COL24A1: variants seen among roughly 807,000 people sequenced by gnomAD.
COL24A1 encodes the protein collagen alpha-1(XXIV) chain.
In COL24A1, 224 loss-of-function variants were observed where a neutral mutation model predicts 253.9. The ratio of observed to expected loss-of-function variants is 0.88; its 90% CI spans 0.79 to 0.99. The LOEUF (loss-of-function observed/expected upper bound fraction) is 0.99, where lower values mean the gene tolerates loss of function less well. COL24A1 is among the 50% of genes least tolerant of loss of function. The probability of loss-of-function intolerance (pLI) is 0.00; values close to 1 mark genes in which losing one functional copy is unlikely to be tolerated. For synonymous variants in COL24A1, 685 were observed against 673.7 expected, an observed-to-expected ratio of 1.02 and a Z score of -0.26; for missense variants, 2,131 against 2,068.5, an observed-to-expected ratio of 1.03 and a Z score of -0.59.
At chr1:85,905,727 T>C (rs1684756753) in intron 28 of COL24A1, among the ~76,000 whole-genome samples, 1 of 152,080 alleles carries the variant, frequency 6.6e-6, no homozygotes, top group African/African-American at 2.4e-5. Context: ...AATAGGATCA[T>C]GGTGAAGTTA....
At chr1:85,918,615 C>T (rs1175378025) in intron 24 of COL24A1, among the ~76,000 whole-genome samples, 1 of 152,110 alleles carries the variant, frequency 6.6e-6, no homozygotes, top group Non-Finnish European at 1.5e-5. Flanking sequence ...GTCTATATTA[C>T]TCTTTGAAAC....
Position 86,126,195 on chromosome 1 carries a change from T to C in COL24A1, c.141A>G (p.Gln47=), listed in dbSNP as rs1207726476. Residue 47 remains glutamine, a synonymous_variant, in exon 3 of 60, where the codon CAA becomes CAG. Coordinates refer to ENST00000370571, the MANE Select transcript of COL24A1 (RefSeq NM_152890.7). Reference sequence around the variant, plus strand: ...TTACGTCTTTGCCTCCAAGGCCTAGTTGATGAAGAATATCTATGCCTGGAA... The same window carrying C: ...TTACGTCTTTGCCTCCAAGGCCTAGCTGATGAAGAATATCTATGCCTGGAA... ...AQEQGIDILH[Q]LGLGGKDVRH... 3 of 1,597,094 alleles carry C rather than the reference T, an allele frequency of 1.9e-6. No individual in the cohort carries two copies. The highest frequency in any genetic ancestry group is 2.7e-5 in the African/African-American group (2 of 74,570).
intron 24 of COL24A1, among the ~76,000 whole-genome samples, chr1:85,949,239 AAT>A (rs2100561771): frequency 6.6e-6 from 1 of 152,324 alleles, no homozygotes; most frequent in African/African-American, 2.4e-5. Context: ...CAGTATGAGG[AAT>A]ATAAATAGGA....
intron 57 of COL24A1, 127 bp from the exon 58 acceptor site, chr1:85,737,632 T>C: frequency 1.7e-6 from 1 of 585,856 alleles, no homozygotes; most frequent in Non-Finnish European, 2.9e-6. Context: ...GGTGCGATCT[T>C]GGCTCACTGT....
chr1:86,142,685 C>T (rs1053007152), intron 2 of COL24A1, among the ~76,000 whole-genome samples: 1 of 151,398 alleles, frequency 6.6e-6, no homozygotes, highest in African/African-American at 2.4e-5. Flanking sequence ...AAATAAAGAG[C>T]CCAATACTGA....
intron 32 of COL24A1, among the ~76,000 whole-genome samples, chr1:85,887,514 G>A (rs1444328309): frequency 2.0e-5 from 3 of 151,724 alleles, no homozygotes; most frequent in African/African-American, 7.3e-5. Flanking sequence ...AAGTATTTTA[G>A]GCTTGTGGGT....
intron 24 of COL24A1, among the ~76,000 whole-genome samples, chr1:85,927,312 G>C (rs558606064): frequency 2.0e-4 from 31 of 152,282 alleles, no homozygotes; most frequent in Admixed American, 3.9e-4. Flanking sequence ...GTCAAAGAAA[G>C]GGGTGACGGA....
At chr1:85,969,368 G>A (rs1034524407) in intron 22 of COL24A1, among the ~76,000 whole-genome samples, 2 of 151,976 alleles carry the variant, frequency 1.3e-5, no homozygotes, top group African/African-American at 2.4e-5. Flanking sequence ...ACTTTGGGAG[G>A]CCGAGGTGGG....
At chr1:85,866,465 A>C (rs1210302881) in intron 37 of COL24A1, among the ~76,000 whole-genome samples, 2 of 151,856 alleles carry the variant, frequency 1.3e-5, no homozygotes, top group African/African-American at 4.8e-5. Flanking sequence ...TAATGTTTGG[A>C]CTAATGATGT....
chr1:85,906,262 G>GTTTTTTTTTTTTTTTTTTTTT (rs1438385660), intron 28 of COL24A1, among the ~76,000 whole-genome samples: 3 of 14,046 alleles, frequency 2.1e-4, no homozygotes, highest in Admixed American at 6.4e-4. Context: ...AAACTGCAAG[G>GTTTTTTTTTTTTTTTTTTTTT]TCTTTTTTTT....
chr1:85,923,500 C>G (rs908461298), intron 24 of COL24A1, among the ~76,000 whole-genome samples: 2 of 152,194 alleles, frequency 1.3e-5, no homozygotes, highest in Non-Finnish European at 2.9e-5. Context: ...CAAATTAGAA[C>G]TCAGGATTAA....
chr1:85,771,304 A>T (rs746039018), intron 53 of COL24A1, among the ~76,000 whole-genome samples: 1 of 151,622 alleles, frequency 6.6e-6, no homozygotes, highest in African/African-American at 2.4e-5. Context: ...CCCTGTGTCC[A>T]TGTGTTCTCA....
intron 7 of COL24A1, among the ~76,000 whole-genome samples, chr1:86,087,566 A>G (rs1431345081): frequency 1.3e-5 from 2 of 152,212 alleles, no homozygotes; most frequent in Non-Finnish European, 2.9e-5. Flanking sequence ...TGAACCACAG[A>G]TATCATTTAA....
intron 45 of COL24A1, among the ~76,000 whole-genome samples, chr1:85,819,848 CTTTTTT>C (rs550894402): frequency 7.4e-6 from 1 of 135,882 alleles, no homozygotes; most frequent in Non-Finnish European, 1.6e-5. Flanking sequence ...TTCTCTTTTC[CTTTTTT>C]TTTTTTTTTT....
At chr1:85,866,563 C>G (rs1237184064) in intron 37 of COL24A1, among the ~76,000 whole-genome samples, 1 of 152,006 alleles carries the variant, frequency 6.6e-6, no homozygotes, top group African/African-American at 2.4e-5. Context: ...CACTTGAGGT[C>G]AGGAGTTTGA....
At chr1:85,957,321 G>A (rs748934774) in intron 24 of COL24A1, among the ~76,000 whole-genome samples, 11 of 151,900 alleles carry the variant, frequency 7.2e-5, no homozygotes, top group African/African-American at 1.2e-4. Context: ...ACAAACCTGC[G>A]CATTTTGCAC....
At chr1:85,950,424 C>A (rs1389460490) in intron 24 of COL24A1, among the ~76,000 whole-genome samples, 2 of 152,148 alleles carry the variant, frequency 1.3e-5, no homozygotes, top group Non-Finnish European at 2.9e-5. Context: ...GAGCTTTCAT[C>A]ACCTGGTAAC....
chr1:86,025,063 A>G (rs1697895990), intron 14 of COL24A1, among the ~76,000 whole-genome samples: 1 of 152,134 alleles, frequency 6.6e-6, no homozygotes, highest in Admixed American at 6.6e-5. Context: ...CTATAAAGTA[A>G]AATTGAATAC....
At chr1:86,030,915 G>C (rs1698515485) in intron 14 of COL24A1, among the ~76,000 whole-genome samples, 1 of 151,956 alleles carries the variant, frequency 6.6e-6, no homozygotes, top group South Asian at 2.1e-4. Flanking sequence ...CTTTGACCAA[G>C]CTGTCACCTT....
Sources: allele counts gnomAD v4.1 joint callset (sites outside exome capture counted in the v4.1 genomes callset), GRCh38; gene constraint gnomAD v4.1.1; transcripts MANE v1.5; gene names NCBI Gene and HGNC (gene_info 2026-07-23, HGNC 2026-07-21).